NRXN1: variants seen among roughly 807,000 people sequenced by gnomAD.
NRXN1 encodes the protein neurexin 1, also known as neurexin-1.
In NRXN1, 39 loss-of-function variants were observed where a neutral mutation model predicts 150.9. That is an observed-to-expected ratio of 0.26 (90% CI 0.20 to 0.34). NRXN1 has a LOEUF of 0.34. NRXN1 is among the 10% of genes least tolerant of loss of function. The pLI, the probability that NRXN1 is intolerant of heterozygous loss-of-function variation, is 1.00. For synonymous variants in NRXN1, 924 were observed against 757.0 expected, an observed-to-expected ratio of 1.22 and a Z score of -3.62; for missense variants, 1,815 against 1,949.9, an observed-to-expected ratio of 0.93 and a Z score of 1.30.
intron 5 of NRXN1, among the ~76,000 whole-genome samples, chr2:50,867,823 T>C (rs1308613937): frequency 6.6e-6 from 1 of 151,750 alleles, no homozygotes; most frequent in Admixed American, 6.6e-5. Flanking sequence ...AAAAGAGTAA[T>C]TTTCTGAAGT....
chr2:50,283,708 A>C (rs2071758933), intron 17 of NRXN1, among the ~76,000 whole-genome samples: 1 of 152,144 alleles, frequency 6.6e-6, no homozygotes. Context: ...TACACATTTG[A>C]ATCTGTAACC....
At chr2:50,675,873 C>A (rs184581678) in intron 5 of NRXN1, among the ~76,000 whole-genome samples, 56 of 151,910 alleles carry the variant, frequency 3.7e-4, no homozygotes, top group African/African-American at 1.3e-3. Context: ...CCATCAAGAG[C>A]AAGATAAAGG....
intron 5 of NRXN1, among the ~76,000 whole-genome samples, chr2:50,664,252 A>C (rs557288282): frequency 6.6e-6 from 1 of 152,128 alleles, no homozygotes; most frequent in East Asian, 1.9e-4. Context: ...AAAGAAAATA[A>C]TTATAAGACA....
rs983097113 is a variant in NRXN1, at chr2:50,850,745, T to G, written c.832+71124A>C. 1.7e-4 allele frequency among the ~76,000 whole-genome samples: 9 copies of G among 54,178 alleles called. 1 individual carries two copies. The highest frequency in any genetic ancestry group is 7.1e-4 in the Non-Finnish European group (9 of 12,612). 35.5% of individuals were successfully genotyped at this position (54,178 alleles called of 152,430 possible). A position where few individuals can be genotyped will look rare whatever the true frequency, so the allele number is the denominator to read the frequency against. On this transcript the variant is annotated intron_variant, in intron 5 of 22. Coordinates refer to ENST00000401669, the MANE Select transcript of NRXN1 (RefSeq NM_001330078.2). The stretch of plus-strand genomic sequence containing the variant: ...CAATATCAAAGATTAAACTAAGGTT[T>G]TTTTTTTTCCACACATTTGAGTTGC...
intron 17 of NRXN1, among the ~76,000 whole-genome samples, chr2:50,278,370 G>A (rs568904450): frequency 7.0e-6 from 1 of 142,530 alleles, no homozygotes; most frequent in Non-Finnish European, 1.5e-5. Context: ...AGCCAGGCTG[G>A]TGAACACCTG....
chr2:50,280,782 T>C (rs568852822), intron 17 of NRXN1, among the ~76,000 whole-genome samples: 109 of 152,326 alleles, frequency 7.2e-4, no homozygotes, highest in Non-Finnish European at 9.7e-4. Flanking sequence ...GGACATAGGA[T>C]GCTCCTATTG....
intron 17 of NRXN1, among the ~76,000 whole-genome samples, chr2:50,383,950 C>T (rs1452182711): frequency 6.6e-6 from 1 of 152,130 alleles, no homozygotes; most frequent in Admixed American, 6.6e-5. Context: ...TCAACTTACC[C>T]CGTTTATACA....
intron 18 of NRXN1, among the ~76,000 whole-genome samples, chr2:50,103,153 G>A (rs1701189594): frequency 6.6e-6 from 1 of 152,004 alleles, no homozygotes; most frequent in Non-Finnish European, 1.5e-5. Flanking sequence ...TGAATCAACA[G>A]GGACTCACAT....
At chr2:50,991,084 TA>T (rs1036999915) in intron 2 of NRXN1, among the ~76,000 whole-genome samples, 6 of 152,062 alleles carry the variant, frequency 3.9e-5, no homozygotes, top group Non-Finnish European at 8.8e-5. Context: ...AATACAGTAG[TA>T]AATGAGACAG....
intron 17 of NRXN1, among the ~76,000 whole-genome samples, chr2:50,445,085 C>T (rs1339817377): frequency 1.3e-5 from 2 of 152,138 alleles, no homozygotes; most frequent in Admixed American, 1.3e-4. Flanking sequence ...CCTCTGGAAG[C>T]ATTCCACATT....
At chr2:50,882,869 G>T (rs1253622338) in intron 5 of NRXN1, among the ~76,000 whole-genome samples, 1 of 151,516 alleles carries the variant, frequency 6.6e-6, no homozygotes, top group Non-Finnish European at 1.5e-5. Flanking sequence ...AGTGTCAGAG[G>T]CTTTTCTATA....
chr2:50,347,076 C>CA lies in NRXN1; in HGVS notation c.3365-110107dup. 7.2e-7 allele frequency: 1 copy of CA among 1,383,256 alleles called. No homozygotes were observed. Among genetic ancestry groups the CA allele is most frequent in the Non-Finnish European group, 9.5e-7 (1 of 1,053,222 alleles). 85.7% of individuals were successfully genotyped at this position (1,383,256 alleles called of 1,614,324 possible). On this transcript the variant is annotated intron_variant, in intron 17 of 22. Coordinates refer to ENST00000401669, the MANE Select transcript of NRXN1 (RefSeq NM_001330078.2). This position sits in a 1 kb window ranked among gnomAD's most constrained non-coding sequence, Gnocchi z 4.9. ...GGCCGGCCGCCTCACCGCGCCAGGGCACCCATCCTCTCCCTCCTTCGGACA... is the reference window on the plus strand; with the variant it reads ...GGCCGGCCGCCTCACCGCGCCAGGGCAACCCATCCTCTCCCTCCTTCGGACA...
At chr2:50,857,828 A>AG in intron 5 of NRXN1, among the ~76,000 whole-genome samples, 1 of 151,068 alleles carries the variant, frequency 6.6e-6, no homozygotes, top group Non-Finnish European at 1.5e-5. Context: ...TAAAAAAAAC[A>AG]GACAATGGAA....
At chr2:50,777,939 A>T (rs1385214790) in intron 5 of NRXN1, among the ~76,000 whole-genome samples, 1 of 152,174 alleles carries the variant, frequency 6.6e-6, no homozygotes, top group Non-Finnish European at 1.5e-5. Context: ...TTTAATACAA[A>T]TATTAGATAA....
intron 5 of NRXN1, among the ~76,000 whole-genome samples, chr2:50,906,303 T>C (rs1408630955): frequency 1.3e-5 from 2 of 152,102 alleles, no homozygotes; most frequent in African/African-American, 4.8e-5. Flanking sequence ...ATCTCTACTT[T>C]CTCTTCAGTA....
chr2:50,192,369 G>A lies in NRXN1; in HGVS notation c.3546+44420C>T, dbSNP rs143031919. ...CTGTAATTACAATACTTGTCTTCCAGATACGTCCTGAAAATAGTTGGATTA... is the reference window on the plus strand; with the variant it reads ...CTGTAATTACAATACTTGTCTTCCAAATACGTCCTGAAAATAGTTGGATTA... On this transcript the variant is annotated intron_variant, in intron 18 of 22. Transcript: ENST00000401669. 1.7e-3 allele frequency among the ~76,000 whole-genome samples: 260 copies of A among 152,138 alleles called. 2 individuals carry two copies. Among genetic ancestry groups the A allele is most frequent in the Non-Finnish European group, 3.3e-3 (222 of 67,990 alleles).
At chr2:50,314,743 T>C (rs753688590) in intron 17 of NRXN1, among the ~76,000 whole-genome samples, 2 of 152,106 alleles carry the variant, frequency 1.3e-5, no homozygotes, top group Non-Finnish European at 2.9e-5. Flanking sequence ...CTTAGGACTG[T>C]ATACTCTCCA....
chr2:50,612,125 G>A (rs1678254961), intron 8 of NRXN1, among the ~76,000 whole-genome samples: 2 of 152,160 alleles, frequency 1.3e-5, no homozygotes, highest in Admixed American at 6.5e-5. Context: ...GATTATTTGG[G>A]TGGGAGCTTA....
intron 17 of NRXN1, among the ~76,000 whole-genome samples, chr2:50,437,033 A>G (rs1320531793): frequency 6.6e-6 from 1 of 152,172 alleles, no homozygotes; most frequent in African/African-American, 2.4e-5. Context: ...CTGCTTGACA[A>G]TATGCTGCTA....
Sources: gnomAD v4.1 joint callset for allele counts (sites outside exome capture counted in the v4.1 genomes callset) on GRCh38, gnomAD v4.1.1 for gene constraint, Gnocchi (gnomAD v3.1) non-coding constraint, MANE v1.5 for transcripts, NCBI Gene and HGNC (gene_info 2026-07-23, HGNC 2026-07-21) for gene names.